ATRX: variants seen among roughly 807,000 people sequenced by gnomAD.
ATRX encodes the protein ATRX chromatin remodeler.
In ATRX, 12 loss-of-function variants were observed where a neutral mutation model predicts 172.6. That is an observed-to-expected ratio of 0.07 (90% CI 0.04 to 0.11). The LOEUF (loss-of-function observed/expected upper bound fraction) is 0.11. Ranked by LOEUF, ATRX falls within the 10% of genes least tolerant of loss-of-function variation. ATRX has a pLI of 1.00. For synonymous variants in ATRX, 674 were observed against 594.7 expected (o/e 1.13, Z -1.94); for missense variants, 1,368 against 1,767.4 (o/e 0.77, Z 4.05).
chrX:77,592,520 A>T (rs1557081317), intron 26 of ATRX, among the ~76,000 whole-genome samples: 1 of 110,825 alleles, frequency 9.0e-6, no homozygotes, highest in Non-Finnish European at 1.9e-5. Context: ...CTTTAAAAAT[A>T]TGTTTTTGGA....
At chrX:77,522,471 C>A (rs2147753187) in intron 31 of ATRX, 83 bp from the exon 32 acceptor site, 2 of 1,042,004 alleles carry the variant, frequency 1.9e-6, no homozygotes, top group African/African-American at 3.7e-5. Context: ...AGAAAAGAAT[C>A]CACATTCTCA....
rs982264861 is a variant in ATRX, at chrX:77,725,081, C to A, written c.21-7838G>T. Reference sequence around the variant, plus strand: ...TACAAAAACTTGAAGCTGACTCAACCAGCACTATGTTATACCTCACCATAG... The same window carrying A: ...TACAAAAACTTGAAGCTGACTCAACAAGCACTATGTTATACCTCACCATAG... On this transcript the variant is annotated intron_variant, in intron 1 of 34. Transcript: ENST00000373344. Among the ~76,000 whole-genome samples the A allele has an allele frequency of 1.3e-4, 15 of 111,912 alleles. 1 individual carries two copies. Among genetic ancestry groups the A allele is most frequent in the Admixed American group, 1.3e-3 (14 of 10,477 alleles).
At chrX:77,769,797 T>C (rs192749833) in intron 1 of ATRX, among the ~76,000 whole-genome samples, 15 of 111,641 alleles carry the variant, frequency 1.3e-4, no homozygotes, top group African/African-American at 4.5e-4. Flanking sequence ...AATGTAACCG[T>C]TAAAAATATT....
intron 26 of ATRX, among the ~76,000 whole-genome samples, chrX:77,593,106 C>A (rs1379185349): frequency 2.8e-5 from 3 of 108,463 alleles, no homozygotes; most frequent in Non-Finnish European, 5.7e-5. Flanking sequence ...CGCCTGTAGT[C>A]CCAGCTACTG....
chrX:77,656,840 T>C (rs1318507331), intron 12 of ATRX, among the ~76,000 whole-genome samples, 187 bp from the exon 13 acceptor site: 4 of 112,094 alleles, frequency 3.6e-5, no homozygotes, highest in African/African-American at 1.3e-4. Context: ...AAAATTCAGA[T>C]GTATTTCTAA....
chrX:77,719,860 C>G (rs1251485701), intron 1 of ATRX, among the ~76,000 whole-genome samples: 1 of 111,637 alleles, frequency 9.0e-6, no homozygotes, highest in Non-Finnish European at 1.9e-5. Flanking sequence ...AACTCTTGAC[C>G]CCAAAGCAAC....
intron 30 of ATRX, among the ~76,000 whole-genome samples, chrX:77,524,636 T>C (rs2063326767): frequency 8.9e-6 from 1 of 111,843 alleles, no homozygotes; most frequent in South Asian, 3.7e-4. Flanking sequence ...TTTAATATCT[T>C]GTAAACAACT....
intron 29 of ATRX, among the ~76,000 whole-genome samples, 172 bp downstream of exon 29, chrX:77,558,497 C>A (rs1171946451): frequency 1.8e-5 from 2 of 111,794 alleles, no homozygotes; most frequent in Non-Finnish European, 3.8e-5. Flanking sequence ...GAAATGGATA[C>A]ACTACAAAAC....
intron 22 of ATRX, among the ~76,000 whole-genome samples, chrX:77,608,697 C>T (rs1203854312): frequency 3.6e-5 from 4 of 111,628 alleles, no homozygotes; most frequent in Non-Finnish European, 7.5e-5. Flanking sequence ...TGAGTAATAC[C>T]TCAAAAGCAG....
At chrX:77,700,823 T>C (rs782265060) in intron 2 of ATRX, among the ~76,000 whole-genome samples, 2 of 112,392 alleles carry the variant, frequency 1.8e-5, no homozygotes, top group Non-Finnish European at 3.8e-5. Context: ...TATGACAATC[T>C]GAAAAAGGCA....
At chrX:77,754,589 C>T (rs1302926633) in intron 1 of ATRX, among the ~76,000 whole-genome samples, 6 of 111,775 alleles carry the variant, frequency 5.4e-5, no homozygotes, top group East Asian at 2.8e-4. Context: ...ATTCCTCCTT[C>T]GCTTACGAAG....
In ATRX at chrX:77,641,584, GAA is replaced by G. The variant is rs1218786048; in HGVS notation, c.4558-5530_4558-5529del. ...GGTGATAGAGCGAGCCTCCATCTCAGAAAAAAAAAAAAAAAAAATGCCCAAAC... is the reference window on the plus strand; with the variant it reads ...GGTGATAGAGCGAGCCTCCATCTCAGAAAAAAAAAAAAAAAATGCCCAAAC... On this transcript the variant is annotated intron_variant, in intron 15 of 34. Transcript: ENST00000373344. 7.9e-4 allele frequency among the ~76,000 whole-genome samples: 26 copies of G among 32,761 alleles called. 1 individual carries two copies. Among genetic ancestry groups the G allele is most frequent in the African/African-American group, 2.1e-3 (21 of 9,891 alleles). 28.4% of individuals were successfully genotyped at this position (32,761 alleles called of 115,157 possible). A position where few individuals can be genotyped will look rare whatever the true frequency, so the allele number is the denominator to read the frequency against.
chrX:77,716,110 ATTTTTTTTTTTTTTTT>A (rs199639051), intron 2 of ATRX, among the ~76,000 whole-genome samples: 2 of 54,403 alleles, frequency 3.7e-5, no homozygotes, highest in Admixed American at 2.3e-4. Context: ...GTCTCTAAAA[ATTTTTTTTTTTTTTTT>A]TTTTTTTTTT....
chrX:77,508,725 T>C (rs2147654309), intron 34 of ATRX, 96 bp from the exon 35 acceptor site: 15 of 952,669 alleles, frequency 1.6e-5, no homozygotes, highest in Non-Finnish European at 2.2e-5. Flanking sequence ...GGGGGTACCA[T>C]ACCAAAAGGA....
intron 1 of ATRX, among the ~76,000 whole-genome samples, chrX:77,754,186 G>C (rs1350163553): frequency 1.9e-5 from 2 of 107,091 alleles, no homozygotes; most frequent in African/African-American, 6.8e-5. Context: ...TTTTCCATTT[G>C]CTTGGTTAAT....
intron 27 of ATRX, among the ~76,000 whole-genome samples, chrX:77,578,456 C>T (rs1466107950): frequency 8.9e-6 from 1 of 112,240 alleles, no homozygotes; most frequent in Non-Finnish European, 1.9e-5. Flanking sequence ...TGTTTTGCAA[C>T]TTGGATACCA....
chrX:77,733,498 C>T (rs2074387655), intron 1 of ATRX, among the ~76,000 whole-genome samples: 1 of 110,335 alleles, frequency 9.1e-6, no homozygotes, highest in Admixed American at 9.8e-5. Flanking sequence ...AACAAATCCA[C>T]ACATCTACGG....
intron 30 of ATRX, among the ~76,000 whole-genome samples, chrX:77,545,183 TCATTTAATTTTTCATAATAAC>T (rs1557052780): frequency 1.8e-5 from 2 of 112,481 alleles, no homozygotes; most frequent in African/African-American, 6.4e-5. Flanking sequence ...TCTAAGAACT[TCATTTAATTTTTCATAATAAC>T]TCTATGAAGC....
intron 19 of ATRX, among the ~76,000 whole-genome samples, chrX:77,629,667 A>G (rs2148320648): frequency 8.9e-6 from 1 of 111,766 alleles, no homozygotes; most frequent in African/African-American, 3.2e-5. Flanking sequence ...TTTTTTAATT[A>G]TCAAAACAAA....
Sources: gnomAD v4.1 joint callset for allele counts (sites outside exome capture counted in the v4.1 genomes callset) on GRCh38, gnomAD v4.1.1 for gene constraint, MANE v1.5 for transcripts, NCBI Gene and HGNC (gene_info 2026-07-23, HGNC 2026-07-21) for gene names.